The following CLMP variants were observed in gnomAD, a reference collection of about 807,000 sequenced individuals.
CLMP encodes the protein CXADR-like membrane protein.
CLMP carries 27 observed loss-of-function variants against 45.2 expected under a neutral mutation model. That is an observed-to-expected ratio of 0.60 (90% CI 0.44 to 0.82). The LOEUF is 0.82. Ranked by LOEUF, CLMP falls within the 40% of genes least tolerant of loss-of-function variation. The pLI, the probability that CLMP is intolerant of heterozygous loss-of-function variation, is 0.00. For missense variants in CLMP, 403 were observed against 448.4 expected (o/e 0.90, Z 0.91); for synonymous variants, 167 against 171.4 (o/e 0.97, Z 0.20).
intron 1 of CLMP, among the ~76,000 whole-genome samples, chr11:123,148,505 G>C (rs1861269921): frequency 6.6e-6 from 1 of 152,220 alleles, no homozygotes; most frequent in Non-Finnish European, 1.5e-5. Flanking sequence ...AAATAAGTTG[G>C]TTCCCGTTCT....
At chr11:123,081,896 T>C (rs989383053) in intron 5 of CLMP, among the ~76,000 whole-genome samples, 8 of 151,656 alleles carry the variant, frequency 5.3e-5, no homozygotes, top group African/African-American at 1.9e-4. Context: ...AGAAAAACTC[T>C]ATGAGACAGT....
At chr11:123,099,297 TA>T (rs1866027130) in intron 1 of CLMP, among the ~76,000 whole-genome samples, 1 of 152,218 alleles carries the variant, frequency 6.6e-6, no homozygotes, top group Non-Finnish European at 1.5e-5. Context: ...TTACTTTCTT[TA>T]AGTCTAGTAA....
chr11:123,080,926 C>T (rs1565376820), intron 5 of CLMP, among the ~76,000 whole-genome samples: 1 of 152,038 alleles, frequency 6.6e-6, no homozygotes, highest in South Asian at 2.1e-4. Flanking sequence ...GGGCGGATCA[C>T]GAGGTCAGTA....
intron 1 of CLMP, among the ~76,000 whole-genome samples, chr11:123,127,386 T>C (rs1860911487): frequency 6.6e-6 from 1 of 152,194 alleles, no homozygotes; most frequent in South Asian, 2.1e-4. Context: ...CCTCCCAAAG[T>C]ACTGGGATTA....
chr11:123,107,572 A>G (rs1175170460), intron 1 of CLMP, among the ~76,000 whole-genome samples: 1 of 134,382 alleles, frequency 7.4e-6, no homozygotes, highest in Non-Finnish European at 1.6e-5. Context: ...GGGTTTCACT[A>G]TGTTGCCCAG....
In CLMP at chr11:123,166,190, G is replaced by A. The variant is rs1027091297; in HGVS notation, c.28+28723C>T. On this transcript the variant is annotated intron_variant, in intron 1 of 6. Transcript: ENST00000448775. ...TCGCAGGCCTGAAGGGGGAGCAGTC[G>A]AGCCCAAGTTCTGGGGCACTGGTAG... is the stretch of plus-strand genomic sequence containing the variant. Among the ~76,000 whole-genome samples the A allele has an allele frequency of 5.3e-5, 8 of 152,252 alleles. No individual in the cohort carries two copies. In the South Asian group the frequency reaches 1.5e-3, roughly 28 times the overall value.
chr11:123,135,456 G>T (rs188130979), intron 1 of CLMP, among the ~76,000 whole-genome samples: 213 of 152,226 alleles, frequency 1.4e-3, no homozygotes, highest in Middle Eastern at 3.4e-3. Context: ...TCCTGAATGA[G>T]GTGTCTGTCA....
chr11:123,190,253 C>T (rs1861891518), intron 1 of CLMP, among the ~76,000 whole-genome samples: 1 of 152,156 alleles, frequency 6.6e-6, no homozygotes, highest in South Asian at 2.1e-4. Flanking sequence ...ATGGAGATTA[C>T]TACTGTTTTC....
In CLMP at chr11:123,083,822, C is replaced by T; in HGVS notation, c.414G>A (p.Glu138=). The part of the protein sequence containing the change: ...VLVRPSKPKC[E]LEGELTEGSD... ...TTCCTTCTGTCAGCTCTCCTTCCAA[C>T]TCACACTTGGGCTTGGATGGTCTCA... is the stretch of plus-strand genomic sequence containing the variant. Residue 138 remains glutamate, a synonymous_variant, in exon 4 of 7, where the codon GAG becomes GAA. Coordinates refer to ENST00000448775, the MANE Select transcript of CLMP (RefSeq NM_024769.5). 6.2e-7 allele frequency: 1 copy of T among 1,613,470 alleles called. No homozygotes were observed. Among genetic ancestry groups the T allele is most frequent in the African/African-American group, 1.3e-5 (1 of 75,040 alleles).
At chr11:123,114,838 T>C (rs954718524) in intron 1 of CLMP, among the ~76,000 whole-genome samples, 4 of 152,174 alleles carry the variant, frequency 2.6e-5, no homozygotes, top group Non-Finnish European at 5.9e-5. Flanking sequence ...TACAGACAGA[T>C]ACTGAAATGC....
intron 1 of CLMP, among the ~76,000 whole-genome samples, chr11:123,184,089 TTTAA>T (rs763818549): frequency 2.2e-4 from 33 of 152,184 alleles, no homozygotes; most frequent in Non-Finnish European, 3.7e-4. Flanking sequence ...GAAATCATAT[TTTAA>T]TTAATTAATT....
chr11:123,153,506 T>G (rs946610910), intron 1 of CLMP, among the ~76,000 whole-genome samples: 1 of 152,118 alleles, frequency 6.6e-6, no homozygotes, highest in Non-Finnish European at 1.5e-5. Context: ...GCGGCAGCAT[T>G]CAAAAGGAAC....
intron 1 of CLMP, among the ~76,000 whole-genome samples, chr11:123,156,170 G>T (rs995212862): frequency 2.0e-5 from 3 of 152,144 alleles, no homozygotes; most frequent in African/African-American, 7.2e-5. Context: ...TCACGCACAG[G>T]CACTGAGGAA....
chr11:123,178,601 A>G lies in CLMP; in HGVS notation c.28+16312T>C, dbSNP rs1414870310. 2.0e-5 allele frequency among the ~76,000 whole-genome samples: 3 copies of G among 152,240 alleles called. No individual in the cohort carries two copies. The East Asian group carries it at 5.8e-4, about 29-fold the overall frequency. On this transcript the variant is annotated intron_variant, in intron 1 of 6. Transcript: ENST00000448775. The stretch of plus-strand genomic sequence containing the variant: ...ACATATTGAGTGCCTGGGACATAAC[A>G]TGACCTCCATTCATGATGGTTAGCA...
At chr11:123,075,270 A>C (rs972744051) in intron 5 of CLMP, among the ~76,000 whole-genome samples, 3 of 150,964 alleles carry the variant, frequency 2.0e-5, no homozygotes, top group Admixed American at 6.6e-5. Flanking sequence ...CTTTATATCT[A>C]TCTTCCTGAG....
chr11:123,179,078 C>T (rs1456276124), intron 1 of CLMP, among the ~76,000 whole-genome samples: 1 of 152,208 alleles, frequency 6.6e-6, no homozygotes, highest in Non-Finnish European at 1.5e-5. Flanking sequence ...TGAGCCACTA[C>T]ACCCAGCCTG....
Position 123,192,425 on chromosome 11 carries a change from C to T in CLMP, c.28+2488G>A, listed in dbSNP as rs75603100. Among the ~76,000 whole-genome samples the T allele has an allele frequency of 9.7e-3, 1,476 of 152,248 alleles. 21 individuals carry two copies. Among genetic ancestry groups the T allele is most frequent in the African/African-American group, 0.032 (1,339 of 41,538 alleles). ...AGGTTGCCAGACTCTTAAGTTCCAG[C>T]TTCGTGCATTCTACCAGCGGCCTCA... On this transcript the variant is annotated intron_variant, in intron 1 of 6. Transcript: ENST00000448775.
chr11:123,106,557 G>A (rs977473630), intron 1 of CLMP, among the ~76,000 whole-genome samples: 2 of 152,148 alleles, frequency 1.3e-5, no homozygotes, highest in African/African-American at 4.8e-5. Context: ...AGTAGTGGCT[G>A]TAAGACCAAT....
intron 1 of CLMP, among the ~76,000 whole-genome samples, chr11:123,183,071 C>T (rs186344520): frequency 6.6e-6 from 1 of 152,300 alleles, no homozygotes; most frequent in African/African-American, 2.4e-5. Context: ...TCAAATGTGC[C>T]TTCAGTACTT....
Sources: allele counts gnomAD v4.1 joint callset (sites outside exome capture counted in the v4.1 genomes callset), GRCh38; gene constraint gnomAD v4.1.1; transcripts MANE v1.5; gene names NCBI Gene and HGNC (gene_info 2026-07-23, HGNC 2026-07-21).